The following PRPF6 variants were observed in gnomAD, a reference collection of about 807,000 sequenced individuals.
The protein encoded by PRPF6 is pre-mRNA-processing factor 6.
PRPF6 carries 42 observed loss-of-function variants against 118.3 expected under a neutral mutation model. The ratio of observed to expected loss-of-function variants is 0.35; its 90% CI spans 0.28 to 0.46. PRPF6 has a LOEUF of 0.46. Ranked by LOEUF, PRPF6 falls within the 20% of genes least tolerant of loss-of-function variation. PRPF6 has a pLI of 1.00. For synonymous variants in PRPF6, 481 were observed against 485.1 expected (o/e 0.99, Z 0.11); for missense variants, 662 against 1,255.7 (o/e 0.53, Z 7.15).
chr20:63,981,522 C>T (rs896785656), intron 1 of PRPF6, among the ~76,000 whole-genome samples: 1 of 152,206 alleles, frequency 6.6e-6, no homozygotes, highest in African/African-American at 2.4e-5. Flanking sequence ...GACACATTGA[C>T]TCTCAGCCCA....
intron 12 of PRPF6, among the ~76,000 whole-genome samples, chr20:64,019,419 C>T (rs2059253373): frequency 6.6e-6 from 1 of 152,158 alleles, no homozygotes; most frequent in Non-Finnish European, 1.5e-5. Flanking sequence ...ATCTCTTTCA[C>T]ATACACTGGA....
intron 3 of PRPF6, among the ~76,000 whole-genome samples, chr20:63,989,284 T>G (rs985642361): frequency 1.3e-5 from 2 of 152,074 alleles, no homozygotes; most frequent in African/African-American, 4.8e-5. Flanking sequence ...GAAGAAAACA[T>G]TGGAGAAACT....
Position 64,010,192 on chromosome 20 carries a change from T to A in PRPF6, c.1187-8T>A. ...CTGTGACGTGGTTTCTCGTTTGACC[T>A]TTCCTAGCCCTCGAGCATGTTCCAA... On this transcript the variant is annotated splice_region_variant and splice_polypyrimidine_tract_variant and intron_variant, in intron 9 of 20. Coordinates refer to ENST00000266079, the MANE Select transcript of PRPF6 (RefSeq NM_012469.4). The A allele has an allele frequency of 2.5e-6, 4 of 1,612,950 alleles. No homozygotes were observed. The highest frequency in any genetic ancestry group is 3.4e-6 in the Non-Finnish European group (4 of 1,178,946).
Position 63,981,135 on chromosome 20 carries a change from G to A in PRPF6, c.-111G>A, listed in dbSNP as rs886580402. The stretch of plus-strand genomic sequence containing the variant: ...TCCGGGGCGCGGGTGACGCGACGAC[G>A]GCGACACTTTGCTACGGAGTGCATC... On this transcript the variant is annotated 5_prime_UTR_variant, in exon 1 of 21. Transcript: ENST00000266079. 2.4e-5 allele frequency: 29 copies of A among 1,191,414 alleles called. No individual in the cohort carries two copies. In the South Asian group the frequency reaches 2.9e-4, roughly 12 times the overall value. 73.8% of individuals were successfully genotyped at this position (1,191,414 alleles called of 1,614,324 possible).
At chr20:63,984,378 G>A (rs535414332) in intron 2 of PRPF6, among the ~76,000 whole-genome samples, 9 of 151,370 alleles carry the variant, frequency 5.9e-5, no homozygotes, top group East Asian at 3.9e-4. Context: ...CCAAGATTGC[G>A]CCACTGCACT....
At position 63,994,908 on chromosome 20, in the gene PRPF6, A is replaced by G; in HGVS notation, c.439-8A>G. 6.2e-7 allele frequency: 1 copy of G among 1,614,164 alleles called. No homozygotes were observed. Among genetic ancestry groups the G allele is most frequent in the Non-Finnish European group, 8.5e-7 (1 of 1,180,038 alleles). ...GAATTAATGTTTTTGGGGGCTGGAT[A>G]TTTCCAGAGGAAGTTGGCAGAAGTC... is the stretch of plus-strand genomic sequence containing the variant. On this transcript the variant is annotated splice_region_variant and splice_polypyrimidine_tract_variant and intron_variant, in intron 4 of 20. Coordinates refer to ENST00000266079, the MANE Select transcript of PRPF6 (RefSeq NM_012469.4).
chr20:64,011,806 G>A lies in PRPF6; in HGVS notation c.1524+303G>A, dbSNP rs1043857705. Among the ~76,000 whole-genome samples the A allele has an allele frequency of 1.2e-4, 14 of 121,052 alleles. No homozygotes were observed. Among genetic ancestry groups the A allele is most frequent in the African/African-American group, 3.3e-5 (1 of 30,170 alleles). 79.4% of individuals were successfully genotyped at this position (121,052 alleles called of 152,430 possible). ...ACGAGAGGAGGACAGGAAGTCTCAT[G>A]GCTTCTTTCTTTGCTAGTAGAAATG... On this transcript the variant is annotated intron_variant, in intron 11 of 20. Transcript: ENST00000266079. The surrounding 1 kb of genome is among the most constrained non-coding windows in gnomAD (Gnocchi z 6.7).
intron 20 of PRPF6, among the ~76,000 whole-genome samples, chr20:64,032,615 T>C (rs186390548): frequency 6.6e-6 from 1 of 152,304 alleles, no homozygotes; most frequent in African/African-American, 2.4e-5. Flanking sequence ...CAGTTCCTCA[T>C]CTGTGGGCTG....
chr20:64,010,344 C>T (rs1601523374), intron 10 of PRPF6, 26 bp downstream of exon 10: 1 of 1,586,928 alleles, frequency 6.3e-7, no homozygotes, highest in East Asian at 2.2e-5. Flanking sequence ...TCAGGGCCAC[C>T]AGAGCCCAAA....
chr20:63,995,219 C>G, intron 5 of PRPF6, 108 bp from the exon 6 acceptor site: 1 of 1,574,508 alleles, frequency 6.4e-7, no homozygotes, highest in Non-Finnish European at 8.7e-7. Context: ...TCTGTCTGCA[C>G]AGCTGTGCAT....
At chr20:63,991,672 C>G (rs1354446817) in intron 3 of PRPF6, among the ~76,000 whole-genome samples, 1 of 151,960 alleles carries the variant, frequency 6.6e-6, no homozygotes, top group African/African-American at 2.4e-5. Flanking sequence ...TGCCTGTAAT[C>G]CCAGCTACTC....
rs2059302260 is a variant in PRPF6 at position 64,028,643 on chromosome 20, G to A, written c.2431+74G>A. ...GGGGGTGCCTTGACTCCGGTAAGGG[G>A]GTGCTTCCTGGCTTCCCAGACTCCG... is the stretch of plus-strand genomic sequence containing the variant. On this transcript the variant is annotated intron_variant, in intron 18 of 20. Coordinates refer to ENST00000266079, the MANE Select transcript of PRPF6 (RefSeq NM_012469.4). This position sits in a 1 kb window ranked among gnomAD's most constrained non-coding sequence, Gnocchi z 6.5. The A allele has an allele frequency of 7.2e-6, 11 of 1,531,834 alleles. No homozygotes were observed. The highest frequency in any genetic ancestry group is 2.3e-5 in the East Asian group (1 of 43,550). 94.9% of individuals were successfully genotyped at this position (1,531,834 alleles called of 1,614,324 possible). A position where few individuals can be genotyped will look rare whatever the true frequency, so the allele number is the denominator to read the frequency against.
intron 14 of PRPF6, 140 bp downstream of exon 14, chr20:64,024,833 C>T (rs2059281159): frequency 3.1e-6 from 4 of 1,302,150 alleles, no homozygotes; most frequent in African/African-American, 1.5e-5. Flanking sequence ...GGCTGCTCCA[C>T]AGGAGCAGGG....
intron 6 of PRPF6, among the ~76,000 whole-genome samples, chr20:63,995,895 G>A (rs1355120846): frequency 2.0e-5 from 3 of 152,066 alleles, no homozygotes; most frequent in African/African-American, 7.2e-5. Flanking sequence ...GACCTCAGGT[G>A]ATCTGTCTGC....
At chr20:63,981,411 G>C (rs2059066312) in intron 1 of PRPF6, 95 bp downstream of exon 1, 1 of 1,225,426 alleles carries the variant, frequency 8.2e-7, no homozygotes. Flanking sequence ...TGGCCGCGCA[G>C]TCTGAAAGAC....
At chr20:64,031,851 G>T in intron 19 of PRPF6, 67 bp from the exon 20 acceptor site, 10 of 1,610,872 alleles carry the variant, frequency 6.2e-6, no homozygotes, top group Non-Finnish European at 8.5e-6. Context: ...CCCTGAAGCC[G>T]TTCCCCTGCC....
chr20:64,026,808 A>C lies in PRPF6; in HGVS notation c.2029-174A>C, dbSNP rs535890903. On this transcript the variant is annotated intron_variant, in intron 15 of 20. Transcript: ENST00000266079. The surrounding 1 kb of genome is among the most constrained non-coding windows in gnomAD (Gnocchi z 4.4). ...GAGCGAGACTCTATCTCAAAAAAAAACAAAACAAAACAAAAACATATATTT... is the reference window on the plus strand; with the variant it reads ...GAGCGAGACTCTATCTCAAAAAAAACCAAAACAAAACAAAAACATATATTT... Among the ~76,000 whole-genome samples the C allele has an allele frequency of 5.3e-5, 8 of 151,092 alleles. No homozygotes were observed. The East Asian group carries it at 1.2e-3, about 22-fold the overall frequency.
intron 7 of PRPF6, among the ~76,000 whole-genome samples, 175 bp downstream of exon 7, chr20:63,999,314 C>T (rs1401999823): frequency 1.3e-5 from 2 of 152,202 alleles, no homozygotes; most frequent in Non-Finnish European, 2.9e-5. Flanking sequence ...ATTGCGTACA[C>T]TCAATGTGTT....
At chr20:63,993,828 C>T (rs1030936099) in intron 4 of PRPF6, among the ~76,000 whole-genome samples, 4 of 151,744 alleles carry the variant, frequency 2.6e-5, no homozygotes, top group African/African-American at 9.7e-5. Context: ...CAGCTCACTG[C>T]AACCTTCACC....
Sources: allele counts gnomAD v4.1 joint callset (sites outside exome capture counted in the v4.1 genomes callset), GRCh38; gene constraint gnomAD v4.1.1; non-coding constraint Gnocchi (gnomAD v3.1); transcripts MANE v1.5; gene names NCBI Gene and HGNC (gene_info 2026-07-23, HGNC 2026-07-21).